DLG2: variants seen among roughly 807,000 people sequenced by gnomAD.
DLG2 encodes the protein discs large MAGUK scaffold protein 2.
DLG2 carries 45 observed loss-of-function variants against 132.5 expected under a neutral mutation model. The observed-to-expected ratio is 0.34, with a 90% CI of 0.27 to 0.44. The LOEUF is 0.44. DLG2 is among the 20% of genes least tolerant of loss of function. The probability of loss-of-function intolerance (pLI) is 1.00; values close to 1 mark genes in which losing one functional copy is unlikely to be tolerated. For missense variants in DLG2, 1,045 were observed against 1,196.9 expected (o/e 0.87, Z 1.87); for synonymous variants, 424 against 419.6 (o/e 1.01, Z -0.13).
At chr11:84,536,322 A>G (rs1166660842) in intron 6 of DLG2, among the ~76,000 whole-genome samples, 2 of 152,128 alleles carry the variant, frequency 1.3e-5, no homozygotes, top group Non-Finnish European at 2.9e-5. Context: ...AGATCATTGC[A>G]GTCTGAATCC....
intron 18 of DLG2, among the ~76,000 whole-genome samples, chr11:83,685,111 G>A (rs190721054): frequency 2.6e-5 from 4 of 152,212 alleles, no homozygotes; most frequent in East Asian, 1.9e-4. Flanking sequence ...GAAATGGTCT[G>A]TACTATTATC....
At chr11:84,594,349 A>G (rs2099551178) in intron 6 of DLG2, among the ~76,000 whole-genome samples, 2 of 152,332 alleles carry the variant, frequency 1.3e-5, no homozygotes, top group South Asian at 2.1e-4. Context: ...ACATTCATTC[A>G]TGCCTCAACA....
chr11:83,541,882 C>T, intron 19 of DLG2, 24 bp from the exon 20 acceptor site: 2 of 1,566,972 alleles, frequency 1.3e-6, no homozygotes, highest in South Asian at 1.2e-5. Context: ...CAAAAGAGGA[C>T]ATTGTTAGGA....
intron 7 of DLG2, among the ~76,000 whole-genome samples, chr11:84,417,562 T>C (rs901341390): frequency 1.3e-5 from 2 of 152,154 alleles, no homozygotes; most frequent in South Asian, 4.1e-4. Flanking sequence ...TCCAAGGCTC[T>C]TGATGACTTC....
chr11:84,373,265 C>CAAAAAAAAAAAAAAAAAAA (rs59038372), intron 7 of DLG2, among the ~76,000 whole-genome samples: 2 of 98,090 alleles, frequency 2.0e-5, no homozygotes, highest in African/African-American at 9.1e-5. Flanking sequence ...AAAAAAAAAA[C>CAAAAAAAAAAAAAAAAAAA]AAAACAAAAA....
intron 9 of DLG2, among the ~76,000 whole-genome samples, chr11:84,110,960 G>A (rs986024676): frequency 1.3e-5 from 2 of 151,856 alleles, no homozygotes; most frequent in African/African-American, 2.4e-5. Context: ...TATATATCCC[G>A]AGGAACACAT....
At chr11:84,146,440 AAC>A (rs2095084894) in intron 9 of DLG2, among the ~76,000 whole-genome samples, 3 of 152,122 alleles carry the variant, frequency 2.0e-5, no homozygotes, top group Non-Finnish European at 2.9e-5. Context: ...CCTGTATCAA[AAC>A]ATCTCATGTA....
intron 8 of DLG2, among the ~76,000 whole-genome samples, chr11:84,209,075 A>G (rs2096716240): frequency 6.6e-6 from 1 of 152,224 alleles, no homozygotes; most frequent in Non-Finnish European, 1.5e-5. Context: ...GTCCCTTGAG[A>G]GAATCTGGAA....
Position 84,642,115 on chromosome 11 carries a change from A to G in DLG2, c.358-107384T>C, listed in dbSNP as rs545955275. 6.2e-3 allele frequency among the ~76,000 whole-genome samples: 643 copies of G among 103,380 alleles called. 4 individuals are homozygous for G. Among genetic ancestry groups the G allele is most frequent in the South Asian group, 0.023 (55 of 2,396 alleles). The allele number at this position is 103,380 out of a possible 152,430, so 67.8% of individuals were successfully genotyped here. Reference sequence around the variant, plus strand: ...AGAGTGTGTGTGTGTGTGTATATGTAGAGTGTGTGTGTGTGTGTGTGTGTG... The same window carrying G: ...AGAGTGTGTGTGTGTGTGTATATGTGGAGTGTGTGTGTGTGTGTGTGTGTG... On this transcript the variant is annotated intron_variant, in intron 6 of 27. Transcript: ENST00000376104.
At chr11:85,022,350 C>CT (rs1351416516) in intron 6 of DLG2, among the ~76,000 whole-genome samples, 2 of 152,118 alleles carry the variant, frequency 1.3e-5, no homozygotes, top group Admixed American at 1.3e-4. Flanking sequence ...AATCGATAAA[C>CT]TTCTCACAGA....
At chr11:84,064,797 A>G (rs1005100869) in intron 10 of DLG2, among the ~76,000 whole-genome samples, 1 of 152,192 alleles carries the variant, frequency 6.6e-6, no homozygotes, top group African/African-American at 2.4e-5. Context: ...GGAAGAGAAG[A>G]AAAGAATGGG....
At position 84,995,889 on chromosome 11, in the gene DLG2, C is replaced by T. The variant is rs183529067; in HGVS notation, c.357+115772G>A. On this transcript the variant is annotated intron_variant, in intron 6 of 27. Transcript: ENST00000376104. ...TCCCTTTTCTTTTCCACAGAGATAC[C>T]TGCTTCATTCATTCTCTCTGCTTAG... is the stretch of plus-strand genomic sequence containing the variant. Among the ~76,000 whole-genome samples the T allele has an allele frequency of 1.0e-3, 152 of 152,188 alleles. No homozygotes were observed. The East Asian group carries it at 0.018, about 18-fold the overall frequency.
chr11:85,516,812 G>A (rs942135647), intron 3 of DLG2, among the ~76,000 whole-genome samples: 4 of 151,854 alleles, frequency 2.6e-5, no homozygotes, highest in African/African-American at 4.8e-5. Context: ...ACCCAGGACC[G>A]GAGGGATTCA....
intron 3 of DLG2, among the ~76,000 whole-genome samples, chr11:85,356,776 GTAGA>G (rs58735940): frequency 0.35 from 50,934 of 147,022 alleles, 8,873 homozygotes; most frequent in Admixed American, 0.4. Context: ...CAGTAGGTAA[GTAGA>G]TAGATAGATA....
chr11:84,550,564 C>A (rs1410513492), intron 6 of DLG2, among the ~76,000 whole-genome samples: 1 of 152,202 alleles, frequency 6.6e-6, no homozygotes, highest in Non-Finnish European at 1.5e-5. Context: ...ACTTGCCTAG[C>A]CTTCCCATTA....
chr11:84,880,658 C>T (rs865962408), intron 6 of DLG2, among the ~76,000 whole-genome samples: 7 of 152,130 alleles, frequency 4.6e-5, no homozygotes, highest in Middle Eastern at 3.4e-3. Flanking sequence ...ATAACATTTC[C>T]TTCTTTCAAA....
At chr11:84,152,368 TC>T (rs1328572687) in intron 9 of DLG2, among the ~76,000 whole-genome samples, 1 of 151,812 alleles carries the variant, frequency 6.6e-6, no homozygotes, top group African/African-American at 2.4e-5. Flanking sequence ...AAGAATACTG[TC>T]CTCTGCTCTT....
At chr11:83,465,645 T>TTCA (rs2090887036) in intron 26 of DLG2, among the ~76,000 whole-genome samples, 1 of 152,218 alleles carries the variant, frequency 6.6e-6, no homozygotes, top group Non-Finnish European at 1.5e-5. Flanking sequence ...ATTTTATATC[T>TTCA]TTTACAATAA....
At chr11:84,639,331 A>G (rs894065939) in intron 6 of DLG2, among the ~76,000 whole-genome samples, 2 of 145,480 alleles carry the variant, frequency 1.4e-5, no homozygotes, top group Non-Finnish European at 3.0e-5. Context: ...CAACTGCAGC[A>G]TATTGCAGAT....
Sources: allele counts gnomAD v4.1 joint callset (sites outside exome capture counted in the v4.1 genomes callset), GRCh38; gene constraint gnomAD v4.1.1; transcripts MANE v1.5; gene names NCBI Gene and HGNC (gene_info 2026-07-23, HGNC 2026-07-21).